Variants in CDH11 observed in about 807,000 individuals in gnomAD.
CDH11 encodes cadherin-11.
Under a neutral mutation model 67.8 loss-of-function variants are expected in CDH11, and 11 were observed. That is an observed-to-expected ratio of 0.16 (90% CI 0.10 to 0.27). The LOEUF (loss-of-function observed/expected upper bound fraction) is 0.27. Ranked by LOEUF, CDH11 falls within the 10% of genes least tolerant of loss-of-function variation. The probability of loss-of-function intolerance (pLI) is 1.00; values close to 1 mark genes in which losing one functional copy is unlikely to be tolerated. For missense variants in CDH11, 847 were observed against 1,031.2 expected (o/e 0.82, Z 2.45); for synonymous variants, 419 against 400.0 (o/e 1.05, Z -0.57).
At chr16:64,974,012 A>G (rs1485203706) in intron 8 of CDH11, among the ~76,000 whole-genome samples, 1 of 151,948 alleles carries the variant, frequency 6.6e-6, no homozygotes, top group African/African-American at 2.4e-5. Flanking sequence ...GATTTTAGTT[A>G]CTCCCACCCA....
chr16:65,039,358 CAG>C (rs1301394479), intron 2 of CDH11, among the ~76,000 whole-genome samples: 1 of 152,132 alleles, frequency 6.6e-6, no homozygotes, highest in Non-Finnish European at 1.5e-5. Context: ...GGTATCAAAA[CAG>C]AGATATAGAC....
intron 1 of CDH11, among the ~76,000 whole-genome samples, chr16:65,064,145 G>GT (rs2074274878): frequency 2.0e-5 from 3 of 152,170 alleles, no homozygotes; most frequent in Admixed American, 1.3e-4. Flanking sequence ...CTCAGAGAAG[G>GT]CCCAGAGGAC....
chr16:65,060,990 T>C (rs1247633007), intron 1 of CDH11, among the ~76,000 whole-genome samples: 1 of 152,240 alleles, frequency 6.6e-6, no homozygotes, highest in African/African-American at 2.4e-5. Flanking sequence ...ACCTCTGTGC[T>C]TCTCTGCATC....
At chr16:65,087,924 T>C (rs76908002) in intron 1 of CDH11, among the ~76,000 whole-genome samples, 9,676 of 152,212 alleles carry the variant, frequency 0.064, 500 homozygotes, top group African/African-American at 0.15. Flanking sequence ...CGTGGAAATG[T>C]AGAGGTGCAA....
chr16:64,999,836 A>G (rs1347429302), intron 3 of CDH11, among the ~76,000 whole-genome samples: 1 of 152,124 alleles, frequency 6.6e-6, no homozygotes, highest in African/African-American at 2.4e-5. Context: ...TGCCTGGCCA[A>G]TGTTTTTGTT....
intron 1 of CDH11, among the ~76,000 whole-genome samples, chr16:65,111,700 C>CAT (rs1407306616): frequency 6.6e-6 from 1 of 151,764 alleles, no homozygotes; most frequent in Non-Finnish European, 1.5e-5. Flanking sequence ...CACACACACA[C>CAT]ACACACACAC....
At chr16:64,953,260 C>CTATATA (rs1393087145) in intron 11 of CDH11, among the ~76,000 whole-genome samples, 1 of 149,592 alleles carries the variant, frequency 6.7e-6, no homozygotes, top group African/African-American at 2.4e-5. Flanking sequence ...ATATCTATAT[C>CTATATA]TATATATAGA....
At chr16:65,107,971 G>A (rs887966118) in intron 1 of CDH11, among the ~76,000 whole-genome samples, 9 of 152,258 alleles carry the variant, frequency 5.9e-5, no homozygotes, top group African/African-American at 1.9e-4. Context: ...GGAATCACAG[G>A]GCAGCCTATT....
At position 65,062,005 on chromosome 16, in the gene CDH11, G is replaced by A. The variant is rs147586989; in HGVS notation, c.-297-8077C>T. Among the ~76,000 whole-genome samples the A allele has an allele frequency of 2.7e-4, 41 of 152,190 alleles. No homozygotes were observed. In the East Asian group the frequency reaches 4.6e-3, roughly 17 times the overall value. On this transcript the variant is annotated intron_variant, in intron 1 of 12. Coordinates refer to ENST00000268603, the MANE Select transcript of CDH11 (RefSeq NM_001797.4). ...CCACTCACCAGTGAAGCCAAGACTCGGACACAGGCAGTTTGCATCTATAGC... is the reference window on the plus strand; with the variant it reads ...CCACTCACCAGTGAAGCCAAGACTCAGACACAGGCAGTTTGCATCTATAGC...
intron 3 of CDH11, among the ~76,000 whole-genome samples, chr16:64,999,291 G>A (rs1437788270): frequency 1.3e-5 from 2 of 152,086 alleles, no homozygotes; most frequent in Non-Finnish European, 2.9e-5. Context: ...GACAATCACT[G>A]TAACCAGTTT....
At chr16:64,989,158 G>T (rs1195868334) in intron 6 of CDH11, among the ~76,000 whole-genome samples, 1 of 152,072 alleles carries the variant, frequency 6.6e-6, no homozygotes, top group South Asian at 2.1e-4. Context: ...AAATAAAGTA[G>T]GGTAAAAGGG....
intron 1 of CDH11, among the ~76,000 whole-genome samples, chr16:65,091,353 C>A (rs1367689480): frequency 1.3e-5 from 2 of 152,214 alleles, no homozygotes; most frequent in Admixed American, 6.5e-5. Context: ...ATTGTAAAAT[C>A]TCAGCAGAAG....
intron 1 of CDH11, among the ~76,000 whole-genome samples, chr16:65,108,742 C>T (rs1170631607): frequency 6.6e-6 from 1 of 151,852 alleles, no homozygotes; most frequent in African/African-American, 2.4e-5. Context: ...AAGTTGATTA[C>T]TAGTGATATT....
At position 65,005,011 on chromosome 16, in the gene CDH11, C is replaced by G. The variant is rs556226480; in HGVS notation, c.-142G>C. 2 of 1,387,482 alleles carry G rather than the reference C, an allele frequency of 1.4e-6. No individual in the cohort carries two copies. Among genetic ancestry groups the G allele is most frequent in the South Asian group, 1.7e-5 (1 of 59,350 alleles). The allele number at this position is 1,387,482 out of a possible 1,614,324, so 85.9% of individuals were successfully genotyped here. On this transcript the variant is annotated 5_prime_UTR_variant, in exon 3 of 13. Coordinates refer to ENST00000268603, the MANE Select transcript of CDH11 (RefSeq NM_001797.4). Reference sequence around the variant, plus strand: ...ATGTCTCTGCTGGTTGAGCTCATCACGTCAGGGCTGCCCACGTCCCCAGTT... The same window carrying G: ...ATGTCTCTGCTGGTTGAGCTCATCAGGTCAGGGCTGCCCACGTCCCCAGTT...
chr16:65,073,073 T>C (rs1450172520), intron 1 of CDH11, among the ~76,000 whole-genome samples: 2 of 152,232 alleles, frequency 1.3e-5, no homozygotes, highest in Admixed American at 1.3e-4. Context: ...CTACATTTTT[T>C]TGTGTCTAAC....
In CDH11 at chr16:64,988,282, C is replaced by A; in HGVS notation, c.874G>T (p.Ala292Ser). Residue 292 changes from alanine (A) to serine (S), a missense_variant, in exon 7 of 13, where the codon GCT becomes TCT. By Grantham distance (99) the Ala-to-Ser change is moderately conservative (BLOSUM62 1). Transcript: ENST00000268603. ...VPGEEVGRVKAKDPDIGENGL... is the reference protein window; with the variant it reads ...VPGEEVGRVKSKDPDIGENGL... ...TTTTCTCCAATGTCTGGATCTTTAG[C>A]TTTCACTCTTCCTACTTCCTCCCCA... The A allele has an allele frequency of 1.2e-6, 2 of 1,613,732 alleles. No homozygotes were observed. The highest frequency in any genetic ancestry group is 1.7e-6 in the Non-Finnish European group (2 of 1,179,768).
chr16:65,103,653 T>C (rs1339626166), intron 1 of CDH11, among the ~76,000 whole-genome samples: 1 of 152,184 alleles, frequency 6.6e-6, no homozygotes, highest in Non-Finnish European at 1.5e-5. Context: ...TTAAAAACTG[T>C]GTATAAATAT....
chr16:65,055,816 T>C (rs1202801432), intron 1 of CDH11, among the ~76,000 whole-genome samples: 2 of 152,180 alleles, frequency 1.3e-5, no homozygotes, highest in Non-Finnish European at 2.9e-5. Context: ...ATGGTTTTGT[T>C]CCCCAAAATT....
chr16:65,029,622 G>T (rs1390083812), intron 2 of CDH11, among the ~76,000 whole-genome samples: 9 of 152,226 alleles, frequency 5.9e-5, no homozygotes, highest in Non-Finnish European at 8.8e-5. Context: ...ACTTGCTAAA[G>T]AATGTTGAAT....
Sources: allele counts gnomAD v4.1 joint callset (sites outside exome capture counted in the v4.1 genomes callset), GRCh38; gene constraint gnomAD v4.1.1; transcripts MANE v1.5; gene names NCBI Gene and HGNC (gene_info 2026-07-23, HGNC 2026-07-21).